The following ABI2 variants were observed in gnomAD, a reference collection of about 807,000 sequenced individuals.
ABI2 encodes the protein abelson interactor 2.
Under a neutral mutation model 59.2 loss-of-function variants are expected in ABI2, and 25 were observed. The observed-to-expected ratio is 0.42, with a 90% CI of 0.31 to 0.59. ABI2 has a LOEUF of 0.59. Ranked by LOEUF, ABI2 falls within the 20% of genes least tolerant of loss-of-function variation. The pLI is 0.14. For synonymous variants in ABI2, 213 were observed against 235.5 expected (o/e 0.90, Z 0.87); for missense variants, 545 against 681.8 (o/e 0.80, Z 2.23).
At chr2:203,338,017 G>A (rs1483388446) in intron 1 of ABI2, among the ~76,000 whole-genome samples, 1 of 152,168 alleles carries the variant, frequency 6.6e-6, no homozygotes, top group Non-Finnish European at 1.5e-5. Flanking sequence ...GCAACAGAGC[G>A]AGACTCTGTC....
intron 1 of ABI2, among the ~76,000 whole-genome samples, chr2:203,342,711 T>C (rs1157876631): frequency 6.6e-6 from 1 of 151,880 alleles, no homozygotes; most frequent in African/African-American, 2.4e-5. Context: ...TCCTTAGTAC[T>C]ACTGCTGGGA....
At chr2:203,341,837 G>A (rs996823518) in intron 1 of ABI2, among the ~76,000 whole-genome samples, 3 of 152,196 alleles carry the variant, frequency 2.0e-5, no homozygotes, top group African/African-American at 7.2e-5. Flanking sequence ...CAACAGAATT[G>A]ACACTAATAT....
intron 1 of ABI2, among the ~76,000 whole-genome samples, chr2:203,349,347 T>C (rs975923708): frequency 1.3e-5 from 2 of 152,228 alleles, no homozygotes; most frequent in Non-Finnish European, 2.9e-5. Flanking sequence ...AATATTGATA[T>C]ATTTCCACTG....
rs2098456405 is a variant in ABI2, at chr2:203,428,229, C to CT, written c.*879dup. ...TCTTAGCAGGCATCCCGAACCCCTG[C>CT]TTCGGTGCTGTTTTGAGGAGTAGGA... On this transcript the variant is annotated 3_prime_UTR_variant, in exon 12 of 12. Transcript: ENST00000261018. The CT allele has an allele frequency of 6.6e-6, 1 of 152,622 alleles. No individual in the cohort carries two copies. Among genetic ancestry groups the CT allele is most frequent in the Non-Finnish European group, 1.5e-5 (1 of 68,032 alleles). The allele number at this position is 152,622 out of a possible 1,614,324, so 9.5% of individuals were successfully genotyped here.
intron 1 of ABI2, among the ~76,000 whole-genome samples, chr2:203,358,545 C>G (rs1039542837): frequency 2.0e-5 from 3 of 152,216 alleles, no homozygotes; most frequent in Admixed American, 6.5e-5. Flanking sequence ...ATCAGGAACT[C>G]AAACACTTTT....
intron 8 of ABI2, among the ~76,000 whole-genome samples, chr2:203,397,245 A>G (rs2097039854): frequency 6.6e-6 from 1 of 152,090 alleles, no homozygotes; most frequent in African/African-American, 2.4e-5. Flanking sequence ...ATATGGAGCT[A>G]CCTTCTATAC....
chr2:203,391,190 T>A (rs1398091521), intron 5 of ABI2, 47 bp downstream of exon 5: 1 of 1,297,260 alleles, frequency 7.7e-7, no homozygotes, highest in Non-Finnish European at 1.1e-6. Context: ...TAGTATTGTT[T>A]AAAAATGAAG....
intron 2 of ABI2, chr2:203,376,063 T>G: frequency 6.5e-7 from 1 of 1,534,200 alleles, no homozygotes; most frequent in South Asian, 1.2e-5. Context: ...TTAGGCAAAT[T>G]AGAGGCGTTG....
Position 203,380,328 on chromosome 2 carries a change from T to C in ABI2, c.406T>C (p.Tyr136His), listed in dbSNP as rs763393954. 1.9e-6 allele frequency: 3 copies of C among 1,606,932 alleles called. No individual in the cohort carries two copies. In the East Asian group the frequency reaches 6.8e-5, roughly 36 times the overall value. Residue 136 changes from tyrosine to histidine, a missense_variant, in exon 3 of 12, where the codon TAT becomes CAT. This residue lies in a region of ABI2 where 410 missense variants were observed against 435.6 expected (regional missense o/e 0.94). Coordinates refer to ENST00000261018, the MANE Select transcript of ABI2 (RefSeq NM_001375670.1). The stretch of plus-strand genomic sequence containing the variant: ...AGCCAACCTTGAACGACCAGTTCGT[T>C]ATATTAGAAAACCTATTGACTATAC... ...APANLERPVR[Y>H]IRKPIDYTIL...
chr2:203,380,469 T>G lies in ABI2; in HGVS notation c.462+85T>G, dbSNP rs550137591. The stretch of plus-strand genomic sequence containing the variant: ...AGAAAATTAAGCTTTTTATCTGTCT[T>G]TCTTTCCTAGAGGACAAAGTCTTGG... On this transcript the variant is annotated intron_variant, in intron 3 of 11. Coordinates refer to ENST00000261018, the MANE Select transcript of ABI2 (RefSeq NM_001375670.1). 93 of 894,764 alleles carry G rather than the reference T, an allele frequency of 1.0e-4. No homozygotes were observed. The African/African-American group carries it at 1.4e-3, about 14-fold the overall frequency. 55.4% of individuals were successfully genotyped at this position (894,764 alleles called of 1,614,324 possible).
rs1353363073 is a variant in ABI2 at position 203,432,075 on chromosome 2, T to A, written c.*4723T>A. The A allele has an allele frequency of 6.6e-6, 1 of 152,226 alleles. No individual in the cohort carries two copies. The highest frequency in any genetic ancestry group is 1.5e-5 in the Non-Finnish European group (1 of 68,024). The allele number at this position is 152,226 out of a possible 1,614,324, so 9.4% of individuals were successfully genotyped here. ...TGTGTGCCATTAAACCACCTCCAGA[T>A]GAGTGGAGGAACATCACTTTTTAAT... is the stretch of plus-strand genomic sequence containing the variant. On this transcript the variant is annotated 3_prime_UTR_variant, in exon 12 of 12. Transcript: ENST00000261018.
intron 1 of ABI2, among the ~76,000 whole-genome samples, chr2:203,364,223 A>AGCTGGGATTACAG (rs1234578277): frequency 3.3e-5 from 5 of 151,138 alleles, no homozygotes; most frequent in Non-Finnish European, 5.9e-5. Flanking sequence ...GCTCCTGAGT[A>AGCTGGGATTACAG]GCTGGGATTA....
chr2:203,348,835 A>C (rs888419623), intron 1 of ABI2, among the ~76,000 whole-genome samples: 6 of 152,110 alleles, frequency 3.9e-5, no homozygotes, highest in Non-Finnish European at 7.3e-5. Flanking sequence ...ATTATCACCC[A>C]AAATTTCTTT....
chr2:203,346,747 A>G (rs987092501), intron 1 of ABI2, among the ~76,000 whole-genome samples: 5 of 152,196 alleles, frequency 3.3e-5, no homozygotes, highest in Non-Finnish European at 5.9e-5. Flanking sequence ...AACTACTTTG[A>G]GAGAAATAGG....
At chr2:203,408,691 G>T (rs2153486717) in intron 9 of ABI2, among the ~76,000 whole-genome samples, 1 of 152,056 alleles carries the variant, frequency 6.6e-6, no homozygotes, top group South Asian at 2.1e-4. Context: ...CTGTTACACG[G>T]AAGGTTAGGT....
intron 1 of ABI2, among the ~76,000 whole-genome samples, chr2:203,330,392 CAA>C (rs35505933): frequency 0.02 from 2,350 of 115,820 alleles, 28 homozygotes; most frequent in East Asian, 0.072. Context: ...GACTACATAT[CAA>C]AAAAAAAAAA....
rs2095265918 is a variant in ABI2, at chr2:203,372,109, G to A, written c.285+5065G>A. ...AGTGTTTGTGTCCCTGGGTACTTGA[G>A]ATTAGGGAGTGGTGATGACTCTTAA... On this transcript the variant is annotated intron_variant, in intron 2 of 11. Coordinates refer to ENST00000261018, the MANE Select transcript of ABI2 (RefSeq NM_001375670.1). 2.6e-5 allele frequency among the ~76,000 whole-genome samples: 4 copies of A among 151,982 alleles called. No homozygotes were observed. In the South Asian group the frequency reaches 8.3e-4, roughly 32 times the overall value.
At chr2:203,379,045 T>C (rs2095915628) in intron 2 of ABI2, among the ~76,000 whole-genome samples, 1 of 152,212 alleles carries the variant, frequency 6.6e-6, no homozygotes, top group South Asian at 2.1e-4. Context: ...AATTTTGCTT[T>C]AGTGTACTAA....
At chr2:203,389,405 A>G (rs2096656220) in intron 4 of ABI2, among the ~76,000 whole-genome samples, 1 of 152,204 alleles carries the variant, frequency 6.6e-6, no homozygotes, top group Non-Finnish European at 1.5e-5. Flanking sequence ...CATTTGAAGA[A>G]TTTGTTTCTT....
Sources: gnomAD v4.1 joint callset for allele counts (sites outside exome capture counted in the v4.1 genomes callset) on GRCh38, gnomAD v4.1.1 for gene constraint, gnomAD v4.1.1 regional missense constraint, MANE v1.5 for transcripts, NCBI Gene and HGNC (gene_info 2026-07-23, HGNC 2026-07-21) for gene names.